ZNF595: variants seen among roughly 807,000 people sequenced by gnomAD.
ZNF595 encodes the protein zinc finger protein 595.
ZNF595 carries 9 observed loss-of-function variants against 19.4 expected under a neutral mutation model. The observed-to-expected ratio is 0.46, with a 90% CI of 0.28 to 0.81. The LOEUF is 0.81. ZNF595 is among the 30% of genes least tolerant of loss of function. The pLI is 0.11. For synonymous variants in ZNF595, 255 were observed against 255.9 expected, an observed-to-expected ratio of 1.00 and a Z score of 0.03; for missense variants, 729 against 736.0, an observed-to-expected ratio of 0.99 and a Z score of 0.11.
intron 3 of ZNF595, among the ~76,000 whole-genome samples, chr4:73,896 G>A (rs950243645): frequency 3.9e-5 from 6 of 152,128 alleles, no homozygotes; most frequent in Non-Finnish European, 8.8e-5. Context: ...GTGGAACTGA[G>A]CCCTGAGACG....
Position 85,760 on chromosome 4 carries a change from T to C in ZNF595, c.256T>C (p.Ser86Pro). Residue 86 changes from serine (S) to proline (P), a missense_variant, in exon 4 of 4, where the codon TCA becomes CCA. Physicochemically the swap from Ser to Pro is moderately conservative, Grantham distance 74 (BLOSUM62 -1). Transcript: ENST00000610261. ...ATGTTCTCCTTTCAGCCAAGACCTTTCACCAGTGCAGGGGATAGAAGATTC... is the reference window on the plus strand; with the variant it reads ...ATGTTCTCCTTTCAGCCAAGACCTTCCACCAGTGCAGGGGATAGAAGATTC... The part of the protein sequence containing the change: ...AICSPFSQDL[S>P]PVQGIEDSFH... The C allele has an allele frequency of 6.3e-7, 1 of 1,596,680 alleles. No individual in the cohort carries two copies. Among genetic ancestry groups the C allele is most frequent in the Non-Finnish European group, 8.5e-7 (1 of 1,170,996 alleles).
At chr4:75,019 T>A (rs182007963) in intron 3 of ZNF595, among the ~76,000 whole-genome samples, 2 of 152,298 alleles carry the variant, frequency 1.3e-5, no homozygotes, top group East Asian at 3.9e-4. Context: ...GAAGATCTTT[T>A]TTTCATGACA....
At chr4:83,419 T>G (rs1714000848) in intron 3 of ZNF595, among the ~76,000 whole-genome samples, 1 of 151,604 alleles carries the variant, frequency 6.6e-6, no homozygotes, top group Non-Finnish European at 1.5e-5. Context: ...GAGATTGAGA[T>G]CACTGGCTAA....
chr4:82,741 C>T (rs1261157679), intron 3 of ZNF595, among the ~76,000 whole-genome samples: 1 of 152,038 alleles, frequency 6.6e-6, no homozygotes, highest in African/African-American at 2.4e-5. Flanking sequence ...TAAAAGTAAT[C>T]TGTAAAGTTC....
intron 3 of ZNF595, among the ~76,000 whole-genome samples, chr4:82,390 T>TTTG (rs1713952836): frequency 8.6e-6 from 1 of 115,724 alleles, no homozygotes; most frequent in African/African-American, 3.8e-5. Context: ...TTTTTTTTTT[T>TTTG]TTTTTTTTTT....
intron 3 of ZNF595, 84 bp from the exon 4 acceptor site, chr4:85,647 G>A: frequency 3.6e-6 from 5 of 1,405,130 alleles, no homozygotes; most frequent in Non-Finnish European, 4.8e-6. Context: ...AATGCAGTTT[G>A]TATACATTTT....
At chr4:82,460 C>T (rs1447122575) in intron 3 of ZNF595, among the ~76,000 whole-genome samples, 6 of 145,990 alleles carry the variant, frequency 4.1e-5, no homozygotes, top group African/African-American at 1.5e-4. Flanking sequence ...CTCAGCTCAC[C>T]ACAACCCTCT....
At position 85,794 on chromosome 4, in the gene ZNF595, A is replaced by C; in HGVS notation, c.290A>C (p.Lys97Thr). The C allele has an allele frequency of 6.2e-7, 1 of 1,613,604 alleles. No individual in the cohort carries two copies. The highest frequency in any genetic ancestry group is 8.5e-7 in the Non-Finnish European group (1 of 1,179,676). Residue 97 changes from lysine (K) to threonine (T), a missense_variant, in exon 4 of 4, where the codon AAA becomes ACA. Lys to Thr is a moderately conservative substitution (Grantham distance 78). Coordinates refer to ENST00000610261, the MANE Select transcript of ZNF595 (RefSeq NM_182524.4). ...PVQGIEDSFH[K>T]LILKRYEKCG... ...CAGGGGATAGAAGATTCATTCCACAAACTTATACTGAAAAGATACGAGAAA... is the reference window on the plus strand; with the variant it reads ...CAGGGGATAGAAGATTCATTCCACACACTTATACTGAAAAGATACGAGAAA...
intron 3 of ZNF595, among the ~76,000 whole-genome samples, chr4:84,316 T>C (rs558390585): frequency 6.6e-6 from 1 of 152,224 alleles, no homozygotes; most frequent in African/African-American, 2.4e-5. Flanking sequence ...TATTTTCATA[T>C]GATTATGTTT....
At chr4:85,228 T>G (rs1714082429) in intron 3 of ZNF595, among the ~76,000 whole-genome samples, 1 of 152,226 alleles carries the variant, frequency 6.6e-6, no homozygotes, top group Non-Finnish European at 1.5e-5. Flanking sequence ...AGCCTGCTCC[T>G]GAAACATTTA....
chr4:84,942 G>A (rs1427068231), intron 3 of ZNF595, among the ~76,000 whole-genome samples: 3 of 151,832 alleles, frequency 2.0e-5, no homozygotes, highest in Non-Finnish European at 4.4e-5. Context: ...TTTTAATTGG[G>A]CCATGTTGCC....
rs781823059 is a variant in ZNF595, at chr4:86,974, A to G, written c.1470A>G (p.Ile490Met). 2.6e-5 allele frequency: 42 copies of G among 1,611,490 alleles called. No individual in the cohort carries two copies. Among genetic ancestry groups the G allele is most frequent in the Non-Finnish European group, 3.2e-5 (38 of 1,179,364 alleles). The change falls in exon 4 of 4, where the codon ATA becomes ATG. Residue 490 changes from isoleucine (I) to methionine (M), a missense_variant. Around this residue, in one of 2 missense-constraint regions of ZNF595, gnomAD observed 729 missense variants for 675.3 expected, o/e 1.08. Coordinates refer to ENST00000610261, the MANE Select transcript of ZNF595 (RefSeq NM_182524.4). ...GTGAAGAATGTGGCAAAGCTTTCAT[A>G]TGGTCCGCAAGCCTGAATGAACATA... ...YKCEECGKAF[I>M]WSASLNEHKN...
chr4:57,619 C>A (rs1381951078), intron 1 of ZNF595, among the ~76,000 whole-genome samples: 1 of 150,844 alleles, frequency 6.6e-6, no homozygotes, highest in Admixed American at 6.6e-5. Flanking sequence ...AAGGAACTTG[C>A]ATTCTAGAGC....
intron 3 of ZNF595, among the ~76,000 whole-genome samples, chr4:79,869 T>A (rs1320964575): frequency 6.6e-6 from 1 of 151,744 alleles, no homozygotes; most frequent in East Asian, 1.9e-4. Flanking sequence ...AGCAAAAAAA[T>A]GTTTTTCAAA....
At position 83,636 on chromosome 4, in the gene ZNF595, AAAAAAAAAAG is replaced by A. The variant is rs1242183945; in HGVS notation, c.227-2091_227-2082del. On this transcript the variant is annotated intron_variant, in intron 3 of 3. Transcript: ENST00000610261. ...CTCCGTCTCAAAAAAAAAAAAAAAA[AAAAAAAAAAG>A]AAAGAAAGAAAGAAAAACAAGTTGT... Among the ~76,000 whole-genome samples the A allele has an allele frequency of 3.5e-4, 53 of 149,320 alleles. No homozygotes were observed. In the South Asian group the frequency reaches 0.011, roughly 31 times the overall value.
At chr4:61,398 A>G (rs1256292385) in intron 3 of ZNF595, among the ~76,000 whole-genome samples, 3 of 152,302 alleles carry the variant, frequency 2.0e-5, no homozygotes, top group Non-Finnish European at 4.4e-5. Context: ...TGCCTTCCAA[A>G]GTGCTAGAAT....
chr4:80,370 T>C (rs1553799617), intron 3 of ZNF595, among the ~76,000 whole-genome samples: 1 of 152,216 alleles, frequency 6.6e-6, no homozygotes, highest in African/African-American at 2.4e-5. Context: ...ATAGATGGTA[T>C]ATACCTCAAC....
At position 86,581 on chromosome 4, in the gene ZNF595, G is replaced by A. The variant is rs200355276; in HGVS notation, c.1077G>A (p.Arg359=). The A allele has an allele frequency of 5.6e-4, 906 of 1,613,464 alleles. No individual in the cohort carries two copies. Among genetic ancestry groups the A allele is most frequent in the Admixed American group, 1.1e-3 (63 of 59,946 alleles). ...AATCCTCAAGTCTTATTATACACAG[G>A]AGCATTCATTCTGAACAAAAACTTT... ...FNQSSSLIIH[R]SIHSEQKLYK... Residue 359 remains arginine, a synonymous_variant, in exon 4 of 4, where the codon AGG becomes AGA. Transcript: ENST00000610261.
chr4:82,509 C>G (rs558655539), intron 3 of ZNF595, among the ~76,000 whole-genome samples: 1 of 150,020 alleles, frequency 6.7e-6, no homozygotes, highest in Non-Finnish European at 1.5e-5. Context: ...CTCAGCCTGT[C>G]GAGTAGCTGG....
Sources: gnomAD v4.1 joint callset for allele counts (sites outside exome capture counted in the v4.1 genomes callset) on GRCh38, gnomAD v4.1.1 for gene constraint, gnomAD v4.1.1 regional missense constraint, MANE v1.5 for transcripts, NCBI Gene and HGNC (gene_info 2026-07-23, HGNC 2026-07-21) for gene names.